The following BMPR2 variants were observed in gnomAD, a reference collection of about 807,000 sequenced individuals.
The protein encoded by BMPR2 is bone morphogenetic protein receptor type-2.
In BMPR2, 29 loss-of-function variants were observed where a neutral mutation model predicts 100.8. The ratio of observed to expected loss-of-function variants is 0.29; its 90% CI spans 0.21 to 0.39. The LOEUF is 0.39. Ranked by LOEUF, BMPR2 falls within the 10% of genes least tolerant of loss-of-function variation. BMPR2 has a pLI of 1.00. For missense variants in BMPR2, 1,011 were observed against 1,274.5 expected (o/e 0.79, Z 3.15); for synonymous variants, 382 against 442.3 (o/e 0.86, Z 1.71).
chr2:202,473,795 TAAATAAAATAAAATA>T (rs537405726), intron 3 of BMPR2, among the ~76,000 whole-genome samples: 1 of 124,152 alleles, frequency 8.1e-6, no homozygotes, highest in African/African-American at 3.1e-5. Flanking sequence ...TGTCTCAAAA[TAAATAAAATAAAATA>T]AAATAAAATA....
At chr2:202,534,065 A>G (rs1296848229) in intron 9 of BMPR2, among the ~76,000 whole-genome samples, 1 of 151,966 alleles carries the variant, frequency 6.6e-6, no homozygotes, top group Admixed American at 6.6e-5. Flanking sequence ...CATTGGACAA[A>G]TTTATGAAAT....
At chr2:202,492,099 TCAG>T (rs1315186405) in intron 3 of BMPR2, among the ~76,000 whole-genome samples, 1 of 151,944 alleles carries the variant, frequency 6.6e-6, no homozygotes, top group African/African-American at 2.4e-5. Flanking sequence ...GCAAAAAAAC[TCAG>T]CATTCAGTGA....
intron 3 of BMPR2, among the ~76,000 whole-genome samples, chr2:202,486,404 G>A (rs914490978): frequency 6.6e-6 from 1 of 152,090 alleles, no homozygotes; most frequent in African/African-American, 2.4e-5. Flanking sequence ...CAAGGCAAGC[G>A]GATCACTTGA....
At chr2:202,531,353 T>C (rs142493130) in intron 8 of BMPR2, among the ~76,000 whole-genome samples, 2 of 152,246 alleles carry the variant, frequency 1.3e-5, no homozygotes, top group East Asian at 3.9e-4. Context: ...AATTACAAAA[T>C]TAGGAAATAT....
Position 202,495,710 on chromosome 2 carries a change from A to G in BMPR2, c.419-18009A>G, listed in dbSNP as rs189629427. Among the ~76,000 whole-genome samples, 3 of 152,176 alleles carry G rather than the reference A, an allele frequency of 2.0e-5. No homozygotes were observed. Among genetic ancestry groups the G allele is most frequent in the African/African-American group, 7.2e-5 (3 of 41,452 alleles). On this transcript the variant is annotated intron_variant, in intron 3 of 12. Coordinates refer to ENST00000374580, the MANE Select transcript of BMPR2 (RefSeq NM_001204.7). The surrounding 1 kb of genome is among the most constrained non-coding windows in gnomAD (Gnocchi z 4.5). The stretch of plus-strand genomic sequence containing the variant: ...CTTCCGTGTCATTTAAGGAGGGCAC[A>G]CTGTTCCCTTCCCAGCACTATAACA...
intron 12 of BMPR2, among the ~76,000 whole-genome samples, chr2:202,557,328 G>A (rs568935489): frequency 1.3e-5 from 2 of 152,254 alleles, no homozygotes; most frequent in African/African-American, 4.8e-5. Context: ...GCCGCGTGTG[G>A]TGGTGGGCAC....
chr2:202,431,728 C>G (rs1255866857), intron 1 of BMPR2, among the ~76,000 whole-genome samples: 1 of 150,216 alleles, frequency 6.7e-6, no homozygotes, highest in Non-Finnish European at 1.5e-5. Flanking sequence ...GACTTTATAA[C>G]CTAGGTGTGT....
At chr2:202,425,310 G>A (rs1364330895) in intron 1 of BMPR2, among the ~76,000 whole-genome samples, 1 of 152,138 alleles carries the variant, frequency 6.6e-6, no homozygotes, top group Non-Finnish European at 1.5e-5. Flanking sequence ...CTGCATGGTT[G>A]GAGAGGATTT....
chr2:202,475,811 C>T (rs1574468224), intron 3 of BMPR2, among the ~76,000 whole-genome samples: 1 of 152,230 alleles, frequency 6.6e-6, no homozygotes, highest in South Asian at 2.1e-4. Context: ...TGGCTCACGC[C>T]TGTAATCCCA....
At chr2:202,517,680 CTT>C (rs1287420560) in intron 5 of BMPR2, among the ~76,000 whole-genome samples, 6 of 151,842 alleles carry the variant, frequency 4.0e-5, no homozygotes, top group Admixed American at 3.9e-4. Context: ...TGGAAACTCT[CTT>C]GTATATTCAC....
At position 202,562,035 on chromosome 2, in the gene BMPR2, C is replaced by T. The variant is rs1472160227; in HGVS notation, c.*2089C>T. On this transcript the variant is annotated 3_prime_UTR_variant, in exon 13 of 13. Transcript: ENST00000374580. ...TATTAACAAATTATTTTTATCTTTC[C>T]TAGTACATTTTCACTTAGTTCTCTT... 6 of 151,958 alleles carry T rather than the reference C, an allele frequency of 3.9e-5. No homozygotes were observed. The highest frequency in any genetic ancestry group is 1.4e-4 in the African/African-American group (6 of 41,386). 9.4% of individuals were successfully genotyped at this position (151,958 alleles called of 1,614,324 possible).
intron 3 of BMPR2, among the ~76,000 whole-genome samples, chr2:202,476,847 G>A (rs528223453): frequency 6.6e-6 from 1 of 151,312 alleles, no homozygotes; most frequent in African/African-American, 2.4e-5. Context: ...AAGAATACAC[G>A]GACAACTTCA....
intron 1 of BMPR2, among the ~76,000 whole-genome samples, chr2:202,463,191 TGG>T (rs1692254787): frequency 3.3e-5 from 5 of 152,144 alleles, no homozygotes; most frequent in African/African-American, 1.2e-4. Context: ...CCAAGAACAG[TGG>T]TTTCCTGGGG....
intron 1 of BMPR2, among the ~76,000 whole-genome samples, chr2:202,460,214 A>G (rs1692199794): frequency 6.6e-6 from 1 of 152,208 alleles, no homozygotes; most frequent in African/African-American, 2.4e-5. Flanking sequence ...TGTTTGTTGC[A>G]GCACTGTTCA....
At chr2:202,421,641 C>CAA (rs759171954) in intron 1 of BMPR2, among the ~76,000 whole-genome samples, 16 of 57,582 alleles carry the variant, frequency 2.8e-4, no homozygotes, top group Non-Finnish European at 3.9e-4. Context: ...GACTCCGTCT[C>CAA]AAAAAAAAAA....
intron 1 of BMPR2, among the ~76,000 whole-genome samples, chr2:202,400,075 C>A (rs949568877): frequency 6.6e-6 from 1 of 152,072 alleles, no homozygotes; most frequent in African/African-American, 2.4e-5. Flanking sequence ...GATGATGCCA[C>A]TGCCCTCCAG....
chr2:202,547,663 A>C (rs1688399692), intron 10 of BMPR2, among the ~76,000 whole-genome samples: 1 of 151,172 alleles, frequency 6.6e-6, no homozygotes, highest in South Asian at 2.1e-4. Flanking sequence ...CATGCCTGTA[A>C]TCCCAGCAAC....
chr2:202,401,052 G>T (rs1690761229), intron 1 of BMPR2, among the ~76,000 whole-genome samples: 1 of 152,186 alleles, frequency 6.6e-6, no homozygotes, highest in African/African-American at 2.4e-5. Context: ...AAAATGGAAA[G>T]AATATTTTAT....
At chr2:202,425,272 G>A (rs369781862) in intron 1 of BMPR2, among the ~76,000 whole-genome samples, 1 of 152,168 alleles carries the variant, frequency 6.6e-6, no homozygotes, top group African/African-American at 2.4e-5. Flanking sequence ...GCCCCAGCCA[G>A]AATAGATTCA....
Sources: gnomAD v4.1 joint callset for allele counts (sites outside exome capture counted in the v4.1 genomes callset) on GRCh38, gnomAD v4.1.1 for gene constraint, Gnocchi (gnomAD v3.1) non-coding constraint, MANE v1.5 for transcripts, NCBI Gene and HGNC (gene_info 2026-07-23, HGNC 2026-07-21) for gene names.